Variants in LAMA5 observed in about 807,000 individuals in gnomAD.
LAMA5 encodes the protein laminin subunit alpha 5.
A neutral mutation model predicts 433.4 loss-of-function variants in LAMA5; 260 were observed. The observed-to-expected ratio is 0.60, with a 90% CI of 0.54 to 0.66. LAMA5 has a LOEUF of 0.66. LAMA5 is among the 30% of genes least tolerant of loss of function. LAMA5 has a pLI of 0.00. For synonymous variants in LAMA5, 2,620 were observed against 2,226.6 expected, an observed-to-expected ratio of 1.18 and a Z score of -4.97; for missense variants, 5,378 against 5,258.5, an observed-to-expected ratio of 1.02 and a Z score of -0.70.
Position 62,312,055 on chromosome 20 carries a change from G to A in LAMA5, c.9505-5C>T, listed in dbSNP as rs370862710. ...GGACACCTGGCATAGCCCATCCTGG[G>A]GACGGCAGCCAGGTCAGCCGGCCGG... On this transcript the variant is annotated splice_polypyrimidine_tract_variant and splice_region_variant and intron_variant, in intron 69 of 79. Coordinates refer to ENST00000252999, the MANE Select transcript of LAMA5 (RefSeq NM_005560.6). 1.2e-6 allele frequency: 2 copies of A among 1,611,006 alleles called. No individual in the cohort carries two copies. The highest frequency in any genetic ancestry group is 1.3e-5 in the African/African-American group (1 of 74,912).
chr20:62,322,421 C>G lies in LAMA5; in HGVS notation c.6194G>C (p.Gly2065Ala). Reference sequence around the variant, plus strand: ...TCCACAAGCACACGGGCGGCAGCCCCCGCAGCCATCGAAACCAAAATGTCC... The same window carrying G: ...TCCACAAGCACACGGGCGGCAGCCCGCGCAGCCATCGAAACCAAAATGTCC... The part of the protein sequence containing the change: ...QEGHFGFDGC[G>A]GCRPCACGPA... Residue 2065 changes from glycine (G) to alanine (A), a missense_variant, in exon 47 of 80, where the codon GGG becomes GCG. Physicochemically the swap from Gly to Ala is moderately conservative, Grantham distance 60. Coordinates refer to ENST00000252999, the MANE Select transcript of LAMA5 (RefSeq NM_005560.6). 1 of 1,593,002 alleles carries G rather than the reference C, an allele frequency of 6.3e-7. No individual in the cohort carries two copies. Among genetic ancestry groups the G allele is most frequent in the Non-Finnish European group, 8.5e-7 (1 of 1,170,594 alleles).
At chr20:62,339,712 C>T (rs1284317810) in intron 11 of LAMA5, among the ~76,000 whole-genome samples, 1 of 147,406 alleles carries the variant, frequency 6.8e-6, no homozygotes, top group African/African-American at 2.5e-5. Context: ...AGCTTGCAAA[C>T]CCTCCCCAGA....
Position 62,333,097 on chromosome 20 carries a change from C to T in LAMA5, c.3275G>A (p.Gly1092Asp), listed in dbSNP as rs1980795484. ...GGGTCCCAGGACACGCACATCACTG[C>T]CCGTGCAGGTGATCAGTGGCGGGTG... is the stretch of plus-strand genomic sequence containing the variant. The part of the protein sequence containing the change: ...PSHPPLITCT[G>D]SDVDVQLQVA... Residue 1092 changes from glycine to aspartate, a missense_variant, in exon 26 of 80, where the codon GGC (glycine) becomes GAC (aspartate). By Grantham distance (94) the Gly-to-Asp change is moderately conservative (BLOSUM62 -1). Coordinates refer to ENST00000252999, the MANE Select transcript of LAMA5 (RefSeq NM_005560.6). 6.6e-7 allele frequency: 1 copy of T among 1,504,632 alleles called. No individual in the cohort carries two copies. Among genetic ancestry groups the T allele is most frequent in the Admixed American group, 2.4e-5 (1 of 42,540 alleles). The allele number at this position is 1,504,632 out of a possible 1,614,324, so 93.2% of individuals were successfully genotyped here.
At chr20:62,344,555 T>C (rs1197367064) in intron 11 of LAMA5, among the ~76,000 whole-genome samples, 1 of 152,002 alleles carries the variant, frequency 6.6e-6, no homozygotes, top group Non-Finnish European at 1.5e-5. Context: ...TTCAAATGAT[T>C]CTCCTGCCTC....
chr20:62,351,434 G>C (rs1984271779), intron 6 of LAMA5, among the ~76,000 whole-genome samples: 1 of 152,156 alleles, frequency 6.6e-6, no homozygotes, highest in Non-Finnish European at 1.5e-5. Context: ...GGTCCGGAGA[G>C]CCCCACCTCT....
chr20:62,337,570 A>G lies in LAMA5; in HGVS notation c.2164+20T>C. On this transcript the variant is annotated intron_variant, in intron 16 of 79. Coordinates refer to ENST00000252999, the MANE Select transcript of LAMA5 (RefSeq NM_005560.6). ...CACACAGGCCCGGCACCTGGTGCAC[A>G]CAGCCACCTGCCTGCTCACCTTCGC... 2 of 1,584,326 alleles carry G rather than the reference A, an allele frequency of 1.3e-6. No individual in the cohort carries two copies. The highest frequency in any genetic ancestry group is 1.8e-4 in the Middle Eastern group (1 of 5,490).
At position 62,362,690 on chromosome 20, in the gene LAMA5, C is replaced by T. The variant is rs187566281; in HGVS notation, c.298-138G>A. On this transcript the variant is annotated intron_variant, in intron 1 of 79. Coordinates refer to ENST00000252999, the MANE Select transcript of LAMA5 (RefSeq NM_005560.6). ...GCCCAGCCTCTGCGCCCCTCATCCA[C>T]TTGCTCAGCAAACATGCGCCAAGCA... is the stretch of plus-strand genomic sequence containing the variant. 3.3e-4 allele frequency: 228 copies of T among 698,490 alleles called. 2 individuals carry two copies. The East Asian group carries it at 7.4e-3, about 23-fold the overall frequency. The allele number at this position is 698,490 out of a possible 1,614,324, so 43.3% of individuals were successfully genotyped here.
In LAMA5 at chr20:62,332,425, G is replaced by A. The variant is rs1214689555; in HGVS notation, c.3499C>T (p.Leu1167=). The part of the protein sequence containing the change: ...DTQDHLAVFH[L]DSEASVRLTA... ...AGCCTCACGCTGGCCTCCGAGTCCA[G>A]GTGGAAGACAGCCAGGTGGTCCTGG... is the stretch of plus-strand genomic sequence containing the variant. Residue 1167 remains leucine (L), a synonymous_variant, in exon 28 of 80, where the codon CTG becomes TTG. Transcript: ENST00000252999. 6 of 1,612,734 alleles carry A rather than the reference G, an allele frequency of 3.7e-6. No individual in the cohort carries two copies. The highest frequency in any genetic ancestry group is 1.6e-4 in the Middle Eastern group (1 of 6,070).
Position 62,359,472 on chromosome 20 carries a change from TGGGCCTGGGGCCTGGGGCCTG to T in LAMA5, c.450+2907_450+2927del, listed in dbSNP as rs5842387. ...AGTCATGAACGCGCTCACCCTTCCC[TGGGCCTGGGGCCTGGGGCCTG>T]GGGCCTGGGTGTGGTTCTCGGAAGA... On this transcript the variant is annotated intron_variant, in intron 2 of 79. Coordinates refer to ENST00000252999, the MANE Select transcript of LAMA5 (RefSeq NM_005560.6). This position sits in a 1 kb window ranked among gnomAD's most constrained non-coding sequence, Gnocchi z 4.3. Among the ~76,000 whole-genome samples the T allele has an allele frequency of 8.0e-5, 12 of 149,840 alleles. No homozygotes were observed. The highest frequency in any genetic ancestry group is 1.3e-4 in the Non-Finnish European group (9 of 67,174).
Position 62,318,475 on chromosome 20 carries a change from CTGGTTGCGG to C in LAMA5, c.7209_7217del (p.Ser2403_Gln2406delinsArg). 6.2e-7 allele frequency: 1 copy of C among 1,604,498 alleles called. No individual in the cohort carries two copies. The highest frequency in any genetic ancestry group is 8.5e-7 in the Non-Finnish European group (1 of 1,177,488). ...TCACCAGGGCTTCCTCCAGGCGCTC[CTGGTTGCGG>C]CTGTTGAGCTCCTGGGCCTCCCGTG... On this transcript the variant is annotated inframe_deletion, in exon 53 of 80. Transcript: ENST00000252999.
rs1043860815 is a variant in LAMA5, at chr20:62,351,733, G to A, written c.927C>T (p.Cys309=). 21 of 1,611,730 alleles carry A rather than the reference G, an allele frequency of 1.3e-5. No individual in the cohort carries two copies. Among genetic ancestry groups the A allele is most frequent in the South Asian group, 3.3e-5 (3 of 90,764 alleles). Residue 309 remains cysteine (C), a synonymous_variant, in exon 6 of 80, where the codon TGC becomes TGT. Coordinates refer to ENST00000252999, the MANE Select transcript of LAMA5 (RefSeq NM_005560.6). The part of the protein sequence containing the change: ...RCVCHGHADA[C]DAKDPTDPFR... ...ACGGGTCCGTGGGGTCTTTGGCATC[G>A]CAGGCATCCGCGTGGCCGTGGCAGA... is the stretch of plus-strand genomic sequence containing the variant.
At chr20:62,318,060 G>A (rs1400918857) in intron 53 of LAMA5, among the ~76,000 whole-genome samples, 1 of 19,308 alleles carries the variant, frequency 5.2e-5, no homozygotes, top group Non-Finnish European at 1.1e-4. Context: ...AGGGGGTGAG[G>A]AGAGATGGGG....
In LAMA5 at chr20:62,337,598, T is replaced by G; in HGVS notation, c.2156A>C (p.Tyr719Ser). ...TCVPGAYNFPYCEAGSCHPAG... is the reference protein window; with the variant it reads ...TCVPGAYNFPSCEAGSCHPAG... ...GCCACCTGCCTGCTCACCTTCGCAGTAGGGGAAGTTGTAGGCACCGGGCAC... is the reference window on the plus strand; with the variant it reads ...GCCACCTGCCTGCTCACCTTCGCAGGAGGGGAAGTTGTAGGCACCGGGCAC... Residue 719 changes from tyrosine to serine, a missense_variant, in exon 16 of 80, where the codon TAC becomes TCC. Coordinates refer to ENST00000252999, the MANE Select transcript of LAMA5 (RefSeq NM_005560.6). The G allele has an allele frequency of 6.2e-7, 1 of 1,607,366 alleles. No individual in the cohort carries two copies. Among genetic ancestry groups the G allele is most frequent in the Non-Finnish European group, 8.5e-7 (1 of 1,177,670 alleles).
At chr20:62,362,589 G>A (rs1986263553) in intron 1 of LAMA5, 37 bp from the exon 2 acceptor site, 6 of 1,455,680 alleles carry the variant, frequency 4.1e-6, no homozygotes, top group Non-Finnish European at 5.5e-6. Context: ...AGCCGAGAAG[G>A]GCCGGGGCCC....
Position 62,346,749 on chromosome 20 carries a change from T to A in LAMA5, c.1124A>T (p.Asp375Val). ...CAGGCTCTGGCTGGCGCGGCGCCGG[T>A]CCACCTCAGGGTCGTAGTAACAGTC... ...ATDCYYDPEV[D>V]RRRASQSLDG... Residue 375 changes from aspartate (D) to valine (V), a missense_variant, in exon 8 of 80, where the codon GAC becomes GTC. Physicochemically the swap from Asp to Val is radical, Grantham distance 152. Transcript: ENST00000252999. 6.2e-7 allele frequency: 1 copy of A among 1,613,008 alleles called. No homozygotes were observed. Among genetic ancestry groups the A allele is most frequent in the South Asian group, 1.1e-5 (1 of 91,042 alleles).
intron 45 of LAMA5, 128 bp downstream of exon 45, chr20:62,323,328 T>G: frequency 1.3e-6 from 1 of 783,916 alleles, no homozygotes. Context: ...CCCAGAAGGC[T>G]GGCTCCGACT....
intron 55 of LAMA5, 27 bp from the exon 56 acceptor site, chr20:62,317,050 GT>G: frequency 2.0e-6 from 3 of 1,513,140 alleles, no homozygotes; most frequent in Non-Finnish European, 1.8e-6. Flanking sequence ...GGTCGAAGGA[GT>G]GGGTAAGCGC....
intron 18 of LAMA5, 37 bp from the exon 19 acceptor site, chr20:62,335,306 G>C: frequency 6.2e-7 from 1 of 1,607,854 alleles, no homozygotes; most frequent in East Asian, 2.2e-5. Context: ...TGCTTGGTGG[G>C]GCAGGAGAGC....
At chr20:62,335,623 G>A (rs1341162287) in intron 18 of LAMA5, among the ~76,000 whole-genome samples, 2 of 121,604 alleles carry the variant, frequency 1.6e-5, no homozygotes, top group Non-Finnish European at 3.4e-5. Context: ...ATCCCCTGAG[G>A]AACTCCACAC....
Sources: allele counts gnomAD v4.1 joint callset (sites outside exome capture counted in the v4.1 genomes callset), GRCh38; gene constraint gnomAD v4.1.1; non-coding constraint Gnocchi (gnomAD v3.1); transcripts MANE v1.5; gene names NCBI Gene and HGNC (gene_info 2026-07-23, HGNC 2026-07-21).